Variants in EIF2B1 observed in about 807,000 individuals in gnomAD.
EIF2B1 encodes the protein translation initiation factor eIF2B subunit alpha.
In EIF2B1, 30 loss-of-function variants were observed where a neutral mutation model predicts 36.8. That is an observed-to-expected ratio of 0.81 (90% CI 0.61 to 1.10). The LOEUF (loss-of-function observed/expected upper bound fraction) is 1.10, where lower values mean the gene tolerates loss of function less well. Among genes scored for constraint, EIF2B1 ranks in the 50% least tolerant of loss-of-function variants. The pLI is 0.00. For missense variants in EIF2B1, 271 were observed against 374.8 expected, an observed-to-expected ratio of 0.72 and a Z score of 2.29; for synonymous variants, 139 against 142.2, an observed-to-expected ratio of 0.98 and a Z score of 0.16.
intron 7 of EIF2B1, among the ~76,000 whole-genome samples, chr12:123,623,062 T>C (rs1384659400): frequency 6.6e-6 from 1 of 151,456 alleles, no homozygotes; most frequent in Non-Finnish European, 1.5e-5. Flanking sequence ...ATCAAAAAAA[T>C]AAATGTTTCT....
At chr12:123,628,351 CTTT>C (rs958119194) in intron 4 of EIF2B1, among the ~76,000 whole-genome samples, 8 of 74,956 alleles carry the variant, frequency 1.1e-4, no homozygotes, top group Non-Finnish European at 1.5e-4. Context: ...CCCATAACCT[CTTT>C]TTTTTTTTTT....
rs780270927 is a variant in EIF2B1, at chr12:123,621,706, A to G, written c.*50T>C. The stretch of plus-strand genomic sequence containing the variant: ...TCACTGGGGTGTCAAGCAGCTACTC[A>G]CCCTGCCTCAACTACGTAAGCTGCA... On this transcript the variant is annotated 3_prime_UTR_variant, in exon 9 of 9. Transcript: ENST00000424014. 6.2e-7 allele frequency: 1 copy of G among 1,611,750 alleles called. No homozygotes were observed. Among genetic ancestry groups the G allele is most frequent in the East Asian group, 2.2e-5 (1 of 44,872 alleles).
chr12:123,632,300 G>T (rs763488832), intron 2 of EIF2B1, 45 bp downstream of exon 2: 456 of 1,019,212 alleles, frequency 4.5e-4, no homozygotes, highest in Non-Finnish European at 6.2e-4. Context: ...AGAAAAAAAA[G>T]ACTATCCTAA....
At position 123,633,562 on chromosome 12, in the gene EIF2B1, T is replaced by C. The variant is rs765148473; in HGVS notation, c.-5A>G. 6.8e-6 allele frequency: 11 copies of C among 1,611,770 alleles called. No homozygotes were observed. The South Asian group carries it at 9.9e-5, about 14-fold the overall frequency. On this transcript the variant is annotated 5_prime_UTR_variant, in exon 1 of 9. Transcript: ENST00000424014. ...TGATTTACCCTTGTCGTCCATGGCG[T>C]CCTCCTGCTGCGGAGCCCCAGGGGA... is the stretch of plus-strand genomic sequence containing the variant.
chr12:123,626,097 C>A (rs976414198), intron 6 of EIF2B1: 4 of 337,686 alleles, frequency 1.2e-5, no homozygotes, highest in Non-Finnish European at 2.3e-5. Context: ...CATGCCATTG[C>A]ACTCCAGCCT....
At chr12:123,631,951 G>A (rs186426398) in intron 2 of EIF2B1, among the ~76,000 whole-genome samples, 31 of 151,114 alleles carry the variant, frequency 2.1e-4, no homozygotes, top group South Asian at 1.9e-3. Context: ...TCCAGCCTGG[G>A]AGACAAGAGC....
chr12:123,632,671 G>A (rs1221960770), intron 1 of EIF2B1, among the ~76,000 whole-genome samples: 3 of 152,196 alleles, frequency 2.0e-5, no homozygotes, highest in South Asian at 4.1e-4. Flanking sequence ...TGGTGGCCGG[G>A]CGCGGTGGCT....
intron 1 of EIF2B1, among the ~76,000 whole-genome samples, chr12:123,632,766 G>A (rs1461986526): frequency 2.0e-5 from 3 of 151,746 alleles, no homozygotes; most frequent in East Asian, 1.9e-4. Flanking sequence ...CTAAAACGGT[G>A]AAACCCCGTC....
chr12:123,632,395 G>C lies in EIF2B1; in HGVS notation c.65C>G (p.Ser22Ter). ...SQMKEDPDMA[S>*]AVAAIRTLLE... ...CAACGTCCGGATGGCAGCCACTGCT[G>C]AGGCCATGTCAGGATCTTCTTTCAT... Residue 22 changes from serine to a stop codon, truncating the protein, a stop_gained, in exon 2 of 9, where the codon TCA (serine) becomes TGA (stop). Coordinates refer to ENST00000424014, the MANE Select transcript of EIF2B1 (RefSeq NM_001414.4). LOFTEE classifies it high-confidence loss of function. 1 of 1,613,804 alleles carries C rather than the reference G, an allele frequency of 6.2e-7. No homozygotes were observed.
intron 4 of EIF2B1, 91 bp from the exon 5 acceptor site, chr12:123,627,247 G>A (rs1207299492): frequency 7.3e-6 from 7 of 956,568 alleles, no homozygotes; most frequent in Non-Finnish European, 1.2e-5. Flanking sequence ...GACACCCTAA[G>A]CATCTCTGTA....
Position 123,633,525 on chromosome 12 carries a change from C to G in EIF2B1, c.13+20G>C. On this transcript the variant is annotated intron_variant, in intron 1 of 8. Coordinates refer to ENST00000424014, the MANE Select transcript of EIF2B1 (RefSeq NM_001414.4). ...AACGGCGCTGCTGTAGCCTAGCAGC[C>G]CTGGCCTGTCTTGATTTACCCTTGT... 6.2e-7 allele frequency: 1 copy of G among 1,613,756 alleles called. No individual in the cohort carries two copies. The highest frequency in any genetic ancestry group is 8.5e-7 in the Non-Finnish European group (1 of 1,180,000).
chr12:123,623,803 G>A (rs1267410011), intron 7 of EIF2B1, among the ~76,000 whole-genome samples: 3 of 152,106 alleles, frequency 2.0e-5, no homozygotes. Flanking sequence ...ACTAAAAAAA[G>A]CTTTCATGAA....
Position 123,621,311 on chromosome 12 carries a change from T to G in EIF2B1, c.*445A>C. 3.7e-6 allele frequency: 1 copy of G among 268,222 alleles called. No homozygotes were observed. Among genetic ancestry groups the G allele is most frequent in the African/African-American group, 2.2e-5 (1 of 44,858 alleles). 16.6% of individuals were successfully genotyped at this position (268,222 alleles called of 1,614,324 possible). On this transcript the variant is annotated 3_prime_UTR_variant, in exon 9 of 9. Transcript: ENST00000424014. ...GCCAGATGCAGATTCAGCAAGTGTTTCTTGCCTCTTACAAGGCACCGCGTG... is the reference window on the plus strand; with the variant it reads ...GCCAGATGCAGATTCAGCAAGTGTTGCTTGCCTCTTACAAGGCACCGCGTG...
rs376013330 is a variant in EIF2B1, at chr12:123,621,755, G to A, written c.*1C>T. On this transcript the variant is annotated 3_prime_UTR_variant, in exon 9 of 9. Coordinates refer to ENST00000424014, the MANE Select transcript of EIF2B1 (RefSeq NM_001414.4). ...CACCTTGGCAGGAAAGGGCTCACAG[G>A]TTACAGATAGAGCTTGATGAGCTCA... The A allele has an allele frequency of 1.6e-5, 26 of 1,613,354 alleles. No homozygotes were observed. The African/African-American group carries it at 2.5e-4, about 16-fold the overall frequency.
chr12:123,629,203 T>A (rs1322258809), intron 4 of EIF2B1, among the ~76,000 whole-genome samples: 1 of 152,186 alleles, frequency 6.6e-6, no homozygotes, highest in Non-Finnish European at 1.5e-5. Context: ...GAGGCCTAGG[T>A]GGCAAAAGGA....
chr12:123,631,475 C>G (rs1955186069), intron 2 of EIF2B1, among the ~76,000 whole-genome samples: 2 of 151,538 alleles, frequency 1.3e-5, no homozygotes, highest in South Asian at 4.2e-4. Context: ...GAGTTTAAGA[C>G]CACTGTGGCC....
rs779643661 is a variant in EIF2B1, at chr12:123,626,401, T to C, written c.551+24A>G. On this transcript the variant is annotated intron_variant, in intron 6 of 8. Coordinates refer to ENST00000424014, the MANE Select transcript of EIF2B1 (RefSeq NM_001414.4). ...CAGCATGGGGTGGGGGAGGTGATTA[T>C]GGCTGGGGAAGATGGGCACTCACCC... 9 of 1,613,902 alleles carry C rather than the reference T, an allele frequency of 5.6e-6. No homozygotes were observed. In the East Asian group the frequency reaches 2.0e-4, roughly 36 times the overall value.
intron 8 of EIF2B1, 128 bp from the exon 9 acceptor site, chr12:123,622,048 G>A (rs1238933909): frequency 3.8e-6 from 5 of 1,313,540 alleles, no homozygotes; most frequent in Non-Finnish European, 5.3e-6. Context: ...ACTAAGCTAT[G>A]CAGGACACTA....
Position 123,632,273 on chromosome 12 carries a change from A to T in EIF2B1, c.115+72T>A, listed in dbSNP as rs1955197505. The T allele has an allele frequency of 1.4e-5, 14 of 1,006,480 alleles. No homozygotes were observed. The East Asian group carries it at 1.8e-4, about 13-fold the overall frequency. The allele number at this position is 1,006,480 out of a possible 1,614,324, so 62.3% of individuals were successfully genotyped here. On this transcript the variant is annotated intron_variant, in intron 2 of 8. Transcript: ENST00000424014. ...ACAGAGTGAGGCTCCGTCTCTTTAA[A>T]AAAAAAAAAAAAGAAAAGAAAAAAA...
Sources: gnomAD v4.1 joint callset for allele counts (sites outside exome capture counted in the v4.1 genomes callset) on GRCh38, gnomAD v4.1.1 for gene constraint, MANE v1.5 for transcripts, NCBI Gene and HGNC (gene_info 2026-07-23, HGNC 2026-07-21) for gene names.